Variants in MYPN observed in about 807,000 individuals in gnomAD.
The protein encoded by MYPN is sarcomeric protein myopalladin, 145 kDa (MYOP).
In MYPN, 63 loss-of-function variants were observed where a neutral mutation model predicts 129.4. The observed-to-expected ratio is 0.49, with a 90% CI of 0.40 to 0.60. The LOEUF is 0.60. Ranked by LOEUF, MYPN falls within the 20% of genes least tolerant of loss-of-function variation. MYPN has a pLI of 0.00. For missense variants in MYPN, 1,596 were observed against 1,635.4 expected (o/e 0.98, Z 0.42); for synonymous variants, 629 against 600.9 (o/e 1.05, Z -0.68).
chr10:68,174,700 G>A (rs1173826035), intron 11 of MYPN, 44 bp downstream of exon 11: 2 of 1,569,784 alleles, frequency 1.3e-6, no homozygotes, highest in Non-Finnish European at 1.8e-6. Flanking sequence ...CTAGTTAAGA[G>A]TCGATGTGCA....
At chr10:68,108,781 G>A (rs1165395910), upstream of MYPN, among the ~76,000 whole-genome samples, 1 of 151,994 alleles carries the variant, frequency 6.6e-6, no homozygotes, top group Non-Finnish European at 1.5e-5. Flanking sequence ...GAATGCAGTA[G>A]CGTGATCTCG....
At chr10:68,129,792 G>A (rs941608517) in intron 2 of MYPN, among the ~76,000 whole-genome samples, 1 of 152,242 alleles carries the variant, frequency 6.6e-6, no homozygotes, top group African/African-American at 2.4e-5. Flanking sequence ...TTGGAATATT[G>A]CATTATACTT....
At chr10:68,160,294 G>T (rs1403969593) in intron 7 of MYPN, among the ~76,000 whole-genome samples, 1 of 151,724 alleles carries the variant, frequency 6.6e-6, no homozygotes, top group Non-Finnish European at 1.5e-5. Context: ...AGCCGGGTGT[G>T]GTGGCACGCA....
rs144488384 is a variant in MYPN, at chr10:68,199,499, C to G, written c.3417C>G (p.Arg1139=). ...HSLLIDPLTQ[R]DAGTYKCIAT... is the part of the protein sequence containing the mutation. ...TGCTCATTGACCCACTCACTCAGCG[C>G]GACGCAGGGACCTATAAGTGCATCG... The change falls in exon 17 of 20, where the codon CGC becomes CGG. Residue 1139 remains arginine (R), a synonymous_variant. Transcript: ENST00000358913. 455 of 1,614,114 alleles carry G rather than the reference C, an allele frequency of 2.8e-4. 3 individuals carry two copies. The South Asian group carries it at 4.7e-3, about 17-fold the overall frequency.
At position 68,189,140 on chromosome 10, in the gene MYPN, C is replaced by T. The variant is rs1554849233; in HGVS notation, c.2925+14C>T. On this transcript the variant is annotated intron_variant, in intron 13 of 19. Coordinates refer to ENST00000358913, the MANE Select transcript of MYPN (RefSeq NM_032578.4). ...CCTGTTCCAAAGGTAGGGAAGATGA[C>T]AAGCCAGTTGGCCACCTCACAGCAT... is the stretch of plus-strand genomic sequence containing the variant. The T allele has an allele frequency of 6.2e-7, 1 of 1,602,766 alleles. No individual in the cohort carries two copies. Among genetic ancestry groups the T allele is most frequent in the Non-Finnish European group, 8.5e-7 (1 of 1,169,952 alleles).
intron 1 of MYPN, among the ~76,000 whole-genome samples, chr10:68,110,300 G>C (rs1182187700): frequency 6.6e-6 from 1 of 151,228 alleles, no homozygotes; most frequent in African/African-American, 2.4e-5. Flanking sequence ...TCCCTTTTCA[G>C]CTGCATCAGA....
At chr10:68,141,080 CA>C (rs202093048) in intron 2 of MYPN, among the ~76,000 whole-genome samples, 2 of 151,138 alleles carry the variant, frequency 1.3e-5, no homozygotes, top group Admixed American at 6.6e-5. Context: ...ACCACCCCCC[CA>C]AAAAAAGGGC....
At chr10:68,164,797 C>A (rs1255229976) in intron 8 of MYPN, among the ~76,000 whole-genome samples, 1 of 152,158 alleles carries the variant, frequency 6.6e-6, no homozygotes, top group African/African-American at 2.4e-5. Context: ...CAGAGTAATC[C>A]ATAAGAATTA....
At chr10:68,144,037 G>A (rs930474064) in intron 3 of MYPN, among the ~76,000 whole-genome samples, 2 of 152,168 alleles carry the variant, frequency 1.3e-5, no homozygotes, top group African/African-American at 4.8e-5. Flanking sequence ...TTATAGGTGT[G>A]AGTCACTGTG....
Position 68,188,988 on chromosome 10 carries a change from T to C in MYPN, c.2787T>C (p.Asp929=). 2 of 1,614,156 alleles carry C rather than the reference T, an allele frequency of 1.2e-6. No individual in the cohort carries two copies. The highest frequency in any genetic ancestry group is 1.7e-6 in the Non-Finnish European group (2 of 1,180,014). ...AACGTACTCCTGTTGATGAATCAGA[T>C]GATGAAATTCAACATGATGAGATCC... is the stretch of plus-strand genomic sequence containing the variant. ...RLERTPVDES[D]DEIQHDEIPT... Residue 929 remains aspartate (D), a synonymous_variant, in exon 13 of 20, where the codon GAT becomes GAC. Transcript: ENST00000358913.
intron 12 of MYPN, among the ~76,000 whole-genome samples, chr10:68,183,314 C>G (rs1380169591): frequency 1.3e-5 from 2 of 151,950 alleles, no homozygotes; most frequent in Non-Finnish European, 2.9e-5. Context: ...CAAAAATTAG[C>G]TAGGTGTGGG....
At chr10:68,093,085 G>A (rs1216223180) in intron 1 of MYPN, among the ~76,000 whole-genome samples, 2 of 151,938 alleles carry the variant, frequency 1.3e-5, no homozygotes, top group African/African-American at 4.8e-5. Context: ...TATTGCCCAG[G>A]CTGGTCTCCC....
chr10:68,142,147 G>A (rs1182347601), intron 2 of MYPN, among the ~76,000 whole-genome samples: 1 of 152,154 alleles, frequency 6.6e-6, no homozygotes, highest in Non-Finnish European at 1.5e-5. Context: ...TTCTTTCACA[G>A]GGTTTATGCC....
rs139381898 is a variant in MYPN, at chr10:68,176,562, T to C, written c.2703+1101T>C. Among the ~76,000 whole-genome samples the C allele has an allele frequency of 4.2e-4, 64 of 152,328 alleles. 1 individual carries two copies. Among genetic ancestry groups the C allele is most frequent in the Non-Finnish European group, 8.5e-4 (58 of 68,030 alleles). ...GCCATGGATATATAGTAATTCGCAA[T>C]TGTGTTATATATTGAGCAACTTATA... is the stretch of plus-strand genomic sequence containing the variant. On this transcript the variant is annotated intron_variant, in intron 12 of 19. Coordinates refer to ENST00000358913, the MANE Select transcript of MYPN (RefSeq NM_032578.4).
intron 12 of MYPN, among the ~76,000 whole-genome samples, chr10:68,183,282 G>GA (rs2043368095): frequency 6.6e-6 from 1 of 152,032 alleles, no homozygotes; most frequent in Non-Finnish European, 1.5e-5. Flanking sequence ...ACAACATGGC[G>GA]AAACCCCATC....
At chr10:68,170,379 A>G (rs1350557103) in intron 10 of MYPN, among the ~76,000 whole-genome samples, 2 of 152,162 alleles carry the variant, frequency 1.3e-5, no homozygotes, top group Admixed American at 6.5e-5. Flanking sequence ...TCTCTTGTAT[A>G]TATGTATATG....
intron 18 of MYPN, among the ~76,000 whole-genome samples, chr10:68,205,592 C>T (rs931723474): frequency 6.6e-6 from 1 of 151,432 alleles, no homozygotes; most frequent in African/African-American, 2.4e-5. Context: ...AAAGCTGAGG[C>T]ACAAGAGTCT....
At position 68,158,638 on chromosome 10, in the gene MYPN, A is replaced by G. The variant is rs774777532; in HGVS notation, c.1459+11A>G. 6.5e-7 allele frequency: 1 copy of G among 1,535,404 alleles called. No individual in the cohort carries two copies. The highest frequency in any genetic ancestry group is 1.7e-5 in the Admixed American group (1 of 59,280). On this transcript the variant is annotated intron_variant, in intron 7 of 19. Transcript: ENST00000358913. ...GGATTTTACAGAAAAGTAAGTTAAT[A>G]CTTTAAATTATTTTCTGATATTTTG... is the stretch of plus-strand genomic sequence containing the variant.
intron 2 of MYPN, 92 bp from the exon 3 acceptor site, chr10:68,142,848 A>C: frequency 8.1e-7 from 1 of 1,240,948 alleles, no homozygotes; most frequent in Non-Finnish European, 1.2e-6. Context: ...TTCTGACTTC[A>C]AATGAAGCTC....
Sources: gnomAD v4.1 joint callset for allele counts (sites outside exome capture counted in the v4.1 genomes callset) on GRCh38, gnomAD v4.1.1 for gene constraint, MANE v1.5 for transcripts, NCBI Gene and HGNC (gene_info 2026-07-23, HGNC 2026-07-21) for gene names.